The following KIF7 variants were observed in gnomAD, a reference collection of about 807,000 sequenced individuals.
KIF7 encodes kinesin-like protein KIF7.
In KIF7, 104 loss-of-function variants were observed where a neutral mutation model predicts 135.7. The ratio of observed to expected loss-of-function variants is 0.77; its 90% CI spans 0.65 to 0.90. The LOEUF (loss-of-function observed/expected upper bound fraction) is 0.90. Among genes scored for constraint, KIF7 ranks in the 40% least tolerant of loss-of-function variants. KIF7 has a pLI of 0.00. For synonymous variants in KIF7, 883 were observed against 809.4 expected (o/e 1.09, Z -1.54); for missense variants, 2,005 against 1,839.1 (o/e 1.09, Z -1.65).
intron 8 of KIF7, 96 bp downstream of exon 8, chr15:89,645,797 A>G (rs568123408): frequency 4.7e-6 from 7 of 1,486,634 alleles, no homozygotes; most frequent in African/African-American, 1.4e-5. Context: ...AGGCTTCCCC[A>G]CTGCTGTCAG....
chr15:89,622,946 G>A (rs1230380779), intron 1 of KIF7, among the ~76,000 whole-genome samples: 1 of 152,172 alleles, frequency 6.6e-6, no homozygotes, highest in Non-Finnish European at 1.5e-5. Flanking sequence ...CAATCACATT[G>A]TATTTTCACC....
intron 11 of KIF7, among the ~76,000 whole-genome samples, chr15:89,635,383 T>G (rs1282393915): frequency 6.6e-6 from 1 of 152,240 alleles, no homozygotes; most frequent in Non-Finnish European, 1.5e-5. Flanking sequence ...TATTCCGAGC[T>G]ATGGGAGGAA....
chr15:89,654,495 G>C lies in KIF7; in HGVS notation c.-25+904C>G, dbSNP rs59658023. 4.4e-3 allele frequency among the ~76,000 whole-genome samples: 671 copies of C among 151,914 alleles called. 5 individuals are homozygous for C. Among genetic ancestry groups the C allele is most frequent in the African/African-American group, 0.016 (651 of 41,400 alleles). On this transcript the variant is annotated intron_variant, in intron 1 of 18. Transcript: ENST00000394412. ...GGCTGCAGCCACCTTCTAATTCAGG[G>C]AGCCACGGAAGCTCCCCTCCTCTGT... is the stretch of plus-strand genomic sequence containing the variant.
At chr15:89,658,771 A>G (rs1477035032), upstream of KIF7, among the ~76,000 whole-genome samples, 1 of 151,662 alleles carries the variant, frequency 6.6e-6, no homozygotes, top group African/African-American at 2.4e-5. Context: ...GGCTGAGGTG[A>G]TAGGATAGCT....
Position 89,628,543 on chromosome 15 carries a change from A to T in KIF7, c.3908T>A (p.Val1303Glu). The T allele has an allele frequency of 1.2e-6, 2 of 1,613,222 alleles. No homozygotes were observed. The change falls in exon 19 of 19, where the codon GTG becomes GAG. Residue 1303 changes from valine to glutamate, a missense_variant. Transcript: ENST00000394412. ...CTCACCCACAGGAAGCACCCGCCCCACCAGGGGCTCAGCCGCCTCCCGCTG... is the reference window on the plus strand; with the variant it reads ...CTCACCCACAGGAAGCACCCGCCCCTCCAGGGGCTCAGCCGCCTCCCGCTG... ...LRQREAAEPLVGRVLPVGEAG... is the reference protein window; with the variant it reads ...LRQREAAEPLEGRVLPVGEAG...
chr15:89,639,648 G>C (rs1464815091), intron 11 of KIF7, among the ~76,000 whole-genome samples: 2 of 136,804 alleles, frequency 1.5e-5, no homozygotes, highest in Non-Finnish European at 3.1e-5. Context: ...AACAACAGGT[G>C]CTGGAGAGGA....
At chr15:89,647,897 T>G (rs568364752) in intron 5 of KIF7, among the ~76,000 whole-genome samples, 185 bp from the exon 6 acceptor site, 1 of 152,278 alleles carries the variant, frequency 6.6e-6, no homozygotes, top group African/African-American at 2.4e-5. Flanking sequence ...TGCAAGCCAT[T>G]TGGGTCATCT....
Position 89,645,063 on chromosome 15 carries a change from G to T in KIF7, c.2141C>A (p.Ala714Asp). Residue 714 changes from alanine (A) to aspartate (D), a missense_variant, in exon 10 of 19, where the codon GCT becomes GAT. Coordinates refer to ENST00000394412, the MANE Select transcript of KIF7 (RefSeq NM_198525.3). ...AQAQQKIREL[A>D]INIRMKEELI... ...CTCCTCCTTCATGCGGATGTTGATAGCCAGCTCCCGGATCTTCTGCTGGGC... is the reference window on the plus strand; with the variant it reads ...CTCCTCCTTCATGCGGATGTTGATATCCAGCTCCCGGATCTTCTGCTGGGC... The T allele has an allele frequency of 6.2e-7, 1 of 1,606,426 alleles. No homozygotes were observed.
At chr15:89,651,260 C>T (rs1189063997) in intron 2 of KIF7, among the ~76,000 whole-genome samples, 1 of 152,194 alleles carries the variant, frequency 6.6e-6, no homozygotes, top group Non-Finnish European at 1.5e-5. Context: ...CCACCACGCC[C>T]AGCTAATTTT....
chr15:89,642,072 C>T, intron 11 of KIF7, 131 bp downstream of exon 11: 1 of 941,028 alleles, frequency 1.1e-6, no homozygotes, highest in South Asian at 1.6e-5. Context: ...CCTCACCCTG[C>T]AGGGCCAGGG....
chr15:89,662,153 A>G, the KIF7 span, among the ~76,000 whole-genome samples: 4 of 152,220 alleles, frequency 2.6e-5, no homozygotes, highest in Non-Finnish European at 5.9e-5. Flanking sequence ...TCATAGTGGT[A>G]TCTCTCTCTC....
chr15:89,617,617 G>A (rs936021428), intron 2 of KIF7, among the ~76,000 whole-genome samples: 1 of 151,946 alleles, frequency 6.6e-6, no homozygotes, highest in Non-Finnish European at 1.5e-5. Context: ...CTGCCTCCCA[G>A]GTTCAAGTGA....
rs781285831 is a variant in KIF7 at position 89,648,276 on chromosome 15, C to A, written c.1422G>T (p.Ala474=). ...IESASVEDQA[A]QGAGGRKEDE... is the part of the protein sequence containing the mutation. ...CCACCTTTCGCCCGCCGGCCCCCTGCGCCGCCTGGTCCTCGACGGAGGCGC... is the reference window on the plus strand; with the variant it reads ...CCACCTTTCGCCCGCCGGCCCCCTGAGCCGCCTGGTCCTCGACGGAGGCGC... Residue 474 remains alanine, a synonymous_variant, in exon 5 of 19, where the codon GCG becomes GCT. Transcript: ENST00000394412. 11 of 1,519,202 alleles carry A rather than the reference C, an allele frequency of 7.2e-6. No individual in the cohort carries two copies. The African/African-American group carries it at 1.2e-4, about 17-fold the overall frequency. 94.1% of individuals were successfully genotyped at this position (1,519,202 alleles called of 1,614,324 possible).
At chr15:89,627,836 T>G (rs925029752), downstream of KIF7, 1 of 152,520 alleles carries the variant, frequency 6.6e-6, no homozygotes, top group African/African-American at 2.4e-5. Context: ...CTGCGGGTCC[T>G]GGCCAGGGGT....
chr15:89,633,062 C>G, intron 13 of KIF7, 66 bp from the exon 14 acceptor site: 2 of 1,599,058 alleles, frequency 1.3e-6, no homozygotes, highest in Non-Finnish European at 1.7e-6. Flanking sequence ...AGCCGCCACT[C>G]GAGGTTCACT....
chr15:89,644,398 G>C (rs7167225), intron 10 of KIF7, among the ~76,000 whole-genome samples: 6 of 151,816 alleles, frequency 4.0e-5, no homozygotes, highest in Non-Finnish European at 8.8e-5. Flanking sequence ...AGAAGTGCCG[G>C]GCATGGTGGC....
At chr15:89,627,234 A>C (rs1963548620), downstream of KIF7, 2 of 922,288 alleles carry the variant, frequency 2.2e-6, no homozygotes, top group South Asian at 1.8e-5. Context: ...AATTCCCCTT[A>C]TGGATCCAAT....
chr15:89,631,160 G>C (rs1963665840), intron 15 of KIF7: 5 of 334,318 alleles, frequency 1.5e-5, no homozygotes, highest in Non-Finnish European at 2.8e-5. Flanking sequence ...GTGTGGGCAT[G>C]AGGTGCACTG....
intron 12 of KIF7, 115 bp downstream of exon 12, chr15:89,633,571 G>A: frequency 8.6e-7 from 1 of 1,156,152 alleles, no homozygotes. Flanking sequence ...TAAGTGACCT[G>A]CTTTCTAAGG....
Sources: allele counts gnomAD v4.1 joint callset (sites outside exome capture counted in the v4.1 genomes callset), GRCh38; gene constraint gnomAD v4.1.1; transcripts MANE v1.5; gene names NCBI Gene and HGNC (gene_info 2026-07-23, HGNC 2026-07-21).